Variants in GCN1 observed in about 807,000 individuals in gnomAD.
GCN1 encodes GCN1 activator of EIF2AK4.
Under a neutral mutation model 288.4 loss-of-function variants are expected in GCN1, and 90 were observed. The observed-to-expected ratio is 0.31, with a 90% confidence interval of 0.26 to 0.37. GCN1 has a LOEUF of 0.37. GCN1 is among the 10% of genes least tolerant of loss of function. The pLI, the probability that GCN1 is intolerant of heterozygous loss-of-function variation, is 1.00. For synonymous variants in GCN1, 1,386 were observed against 1,420.2 expected (o/e 0.98, Z 0.54); for missense variants, 2,586 against 3,419.9 (o/e 0.76, Z 6.08).
In GCN1 at chr12:120,137,415, G is replaced by T; in HGVS notation, c.6664-96C>A. 1 of 1,398,752 alleles carries T rather than the reference G, an allele frequency of 7.1e-7. No homozygotes were observed. The highest frequency in any genetic ancestry group is 1.0e-6 in the Non-Finnish European group (1 of 990,348). 86.6% of individuals were successfully genotyped at this position (1,398,752 alleles called of 1,614,324 possible). A position where few individuals can be genotyped will look rare whatever the true frequency, so the allele number is the denominator to read the frequency against. On this transcript the variant is annotated intron_variant, in intron 49 of 57. Coordinates refer to ENST00000300648, the MANE Select transcript of GCN1 (RefSeq NM_006836.2). The surrounding 1 kb of genome is among the most constrained non-coding windows in gnomAD (Gnocchi z 5.2). The stretch of plus-strand genomic sequence containing the variant: ...AAAGCGTGGGCGGGAGTATAAACAA[G>T]ACTTGCCACGAGTGGGTAAACGCCG...
At position 120,170,156 on chromosome 12, in the gene GCN1, T is replaced by C; in HGVS notation, c.1519+13A>G. On this transcript the variant is annotated intron_variant, in intron 15 of 57. Transcript: ENST00000300648. ...CCCTGTCTCTACCATCCTAGACACC[T>C]CTGGACTCATACCAGCCTGTGAGTC... 1 of 1,612,854 alleles carries C rather than the reference T, an allele frequency of 6.2e-7. No homozygotes were observed. Among genetic ancestry groups the C allele is most frequent in the East Asian group, 2.2e-5 (1 of 44,878 alleles).
rs1484386841 is a variant in GCN1, at chr12:120,147,165, A to G, written c.4834T>C (p.Ser1612Pro). ...ACAATGGGCATGATGAGGGCCAGGG[A>G]TGGGGCATCAATGAAGTGGACAAAC... ...TKFVHFIDAP[S>P]LALIMPIVQR... The change falls in exon 38 of 58, where the codon TCC (serine) becomes CCC (proline). Residue 1612 changes from serine (S) to proline (P), a missense_variant. By Grantham distance (74) the Ser-to-Pro change is moderately conservative. Coordinates refer to ENST00000300648, the MANE Select transcript of GCN1 (RefSeq NM_006836.2). 2 of 1,613,346 alleles carry G rather than the reference A, an allele frequency of 1.2e-6. No homozygotes were observed. The highest frequency in any genetic ancestry group is 3.3e-5 in the Admixed American group (2 of 59,970).
chr12:120,183,547 T>G, intron 5 of GCN1, 22 bp downstream of exon 5: 1 of 1,421,650 alleles, frequency 7.0e-7, no homozygotes, highest in East Asian at 2.3e-5. Context: ...CCCTTGCTAC[T>G]TCAGAGACAC....
At chr12:120,145,410 C>T (rs2139095885) in intron 38 of GCN1, 80 bp from the exon 39 acceptor site, 2 of 1,065,918 alleles carry the variant, frequency 1.9e-6, no homozygotes, top group Non-Finnish European at 1.3e-6. Flanking sequence ...ACCCTGACCT[C>T]CCCATTCTGC....
At chr12:120,187,701 TC>T (rs921740807) in intron 2 of GCN1, among the ~76,000 whole-genome samples, 5 of 151,976 alleles carry the variant, frequency 3.3e-5, no homozygotes, top group African/African-American at 1.2e-4. Flanking sequence ...CAAGCGATCC[TC>T]CCACCTCTCA....
At position 120,142,729 on chromosome 12, in the gene GCN1, C is replaced by A; in HGVS notation, c.5614-7G>T. 1 of 1,613,734 alleles carries A rather than the reference C, an allele frequency of 6.2e-7. No individual in the cohort carries two copies. The highest frequency in any genetic ancestry group is 1.1e-5 in the South Asian group (1 of 91,070). On this transcript the variant is annotated splice_polypyrimidine_tract_variant and splice_region_variant and intron_variant, in intron 43 of 57. Coordinates refer to ENST00000300648, the MANE Select transcript of GCN1 (RefSeq NM_006836.2). This position sits in a 1 kb window ranked among gnomAD's most constrained non-coding sequence, Gnocchi z 4.9. Reference sequence around the variant, plus strand: ...CCAGGGCAGTGATGATCGCCTGCAGCCAGTAGAAGGGGACAGAGAGTAGTG... The same window carrying A: ...CCAGGGCAGTGATGATCGCCTGCAGACAGTAGAAGGGGACAGAGAGTAGTG...
intron 9 of GCN1, among the ~76,000 whole-genome samples, chr12:120,177,124 G>A (rs1171796865): frequency 4.6e-5 from 7 of 151,928 alleles, no homozygotes; most frequent in South Asian, 2.1e-4. Flanking sequence ...GTGCAGTGTC[G>A]CCATCTTGGC....
rs139754215 is a variant in GCN1, at chr12:120,182,636, T to C, written c.426+933A>G. On this transcript the variant is annotated intron_variant, in intron 5 of 57. Coordinates refer to ENST00000300648, the MANE Select transcript of GCN1 (RefSeq NM_006836.2). ...AGTTAAGTGACTCAGCCAAGTCTCA[T>C]GGACAAGAATCAGATCCAAGGCCTG... Among the ~76,000 whole-genome samples, 763 of 152,270 alleles carry C rather than the reference T, an allele frequency of 5.0e-3. 6 individuals carry two copies. The highest frequency in any genetic ancestry group is 0.026 in the South Asian group (124 of 4,824).
rs191977759 is a variant in GCN1, at chr12:120,140,846, G to A, written c.5994+13C>T. 1.2e-6 allele frequency: 2 copies of A among 1,611,358 alleles called. No individual in the cohort carries two copies. The highest frequency in any genetic ancestry group is 1.7e-5 in the Admixed American group (1 of 59,878). On this transcript the variant is annotated intron_variant, in intron 45 of 57. Transcript: ENST00000300648. ...GCAGTGCACAGCTGGCGGGATCCTT[G>A]GAAGATACTCACGGCATCCCGGCTG... is the stretch of plus-strand genomic sequence containing the variant.
At chr12:120,194,598 G>C (rs1456472601) in intron 1 of GCN1, 82 bp downstream of exon 1, 1 of 1,280,786 alleles carries the variant, frequency 7.8e-7, no homozygotes, top group African/African-American at 1.5e-5. Context: ...CCCCTAAGCC[G>C]AGGAGCGAGA....
Position 120,147,107 on chromosome 12 carries a change from G to A in GCN1, c.4892C>T (p.Thr1631Met), listed in dbSNP as rs1301835059. Residue 1631 changes from threonine to methionine, a missense_variant, in exon 38 of 58, where the codon ACG becomes ATG. Around this residue, in one of 8 missense-constraint regions of GCN1, gnomAD observed 371 missense variants for 572.6 expected, o/e 0.65. Transcript: ENST00000300648. ...QRAFQDRSTDTRKMAAQIIGN... is the reference protein window; with the variant it reads ...QRAFQDRSTDMRKMAAQIIGN... ...AATAATCTGGGCTGCCATCTTCCGC[G>A]TGTCCGTGGAACGGTCCTGGAAGGC... The A allele has an allele frequency of 6.2e-7, 1 of 1,603,064 alleles. No individual in the cohort carries two copies. Among genetic ancestry groups the A allele is most frequent in the Non-Finnish European group, 8.5e-7 (1 of 1,171,932 alleles).
At chr12:120,189,293 G>A (rs910188685) in intron 2 of GCN1, among the ~76,000 whole-genome samples, 9 of 151,370 alleles carry the variant, frequency 5.9e-5, no homozygotes, top group East Asian at 1.9e-4. Flanking sequence ...GGCTGGTCTC[G>A]AACTCCTGAC....
At chr12:120,183,471 C>T (rs1355051046) in intron 5 of GCN1, 98 bp downstream of exon 5, 5 of 781,144 alleles carry the variant, frequency 6.4e-6, no homozygotes, top group Admixed American at 5.3e-5. Context: ...GGTCACCCAG[C>T]ACCCAGAAAA....
chr12:120,165,006 C>CACACAT (rs1878063893), intron 16 of GCN1, among the ~76,000 whole-genome samples: 1 of 29,720 alleles, frequency 3.4e-5, no homozygotes, highest in Admixed American at 5.1e-4. Flanking sequence ...CATATATACA[C>CACACAT]ACACACACAC....
chr12:120,129,232 C>G, intron 57 of GCN1, 44 bp downstream of exon 57: 1 of 1,360,832 alleles, frequency 7.3e-7, no homozygotes, highest in Admixed American at 1.7e-5. Context: ...AGCTGAAAGA[C>G]AAATGCTCAC....
chr12:120,144,585 C>A lies in GCN1; in HGVS notation c.5352+54G>T, dbSNP rs958037544. 6 of 1,565,510 alleles carry A rather than the reference C, an allele frequency of 3.8e-6. No homozygotes were observed. Among genetic ancestry groups the A allele is most frequent in the African/African-American group, 2.7e-5 (2 of 74,056 alleles). ...GGATCTCTAGCTCTCCAGGTGAGCA[C>A]TTGCCTCCTGCCCTCCTCAAGGACT... On this transcript the variant is annotated intron_variant, in intron 41 of 57. Transcript: ENST00000300648. The surrounding 1 kb of genome is among the most constrained non-coding windows in gnomAD (Gnocchi z 4.7).
Position 120,194,262 on chromosome 12 carries a change from G to A in GCN1, c.18+418C>T, listed in dbSNP as rs564310892. Reference sequence around the variant, plus strand: ...AAGCCCAGATCTGTATGAATCCAAAGACTACACTCAAAGTCCCTGCTCATA... The same window carrying A: ...AAGCCCAGATCTGTATGAATCCAAAAACTACACTCAAAGTCCCTGCTCATA... On this transcript the variant is annotated intron_variant, in intron 1 of 57. Transcript: ENST00000300648. Among the ~76,000 whole-genome samples, 49 of 152,356 alleles carry A rather than the reference G, an allele frequency of 3.2e-4. No individual in the cohort carries two copies. The South Asian group carries it at 9.7e-3, about 30-fold the overall frequency.
At position 120,153,223 on chromosome 12, in the gene GCN1, G is replaced by C; in HGVS notation, c.4052C>G (p.Pro1351Arg). 1 of 1,613,990 alleles carries C rather than the reference G, an allele frequency of 6.2e-7. No individual in the cohort carries two copies. Among genetic ancestry groups the C allele is most frequent in the Non-Finnish European group, 8.5e-7 (1 of 1,179,876 alleles). The change falls in exon 33 of 58, where the codon CCC (proline) becomes CGC (arginine). Residue 1351 changes from proline (P) to arginine (R), a missense_variant. Physicochemically the swap from Pro to Arg is moderately radical, Grantham distance 103. Transcript: ENST00000300648. This position sits in a 1 kb window ranked among gnomAD's most constrained non-coding sequence, Gnocchi z 4.4. ...CCAGATGGCAGGTACCTGCTGGGAGGGGGTGGAGAGGGCAGCGATGAGCTT... is the reference window on the plus strand; with the variant it reads ...CCAGATGGCAGGTACCTGCTGGGAGCGGGTGGAGAGGGCAGCGATGAGCTT... The part of the protein sequence containing the change: ...VAKLIAALST[P>R]SQQVQESVAS...
chr12:120,152,244 G>C (rs1000592764), intron 33 of GCN1, among the ~76,000 whole-genome samples: 6 of 151,702 alleles, frequency 4.0e-5, no homozygotes, highest in Non-Finnish European at 7.4e-5. Context: ...GCCCAGGCTG[G>C]TCTCGAACTA....
Sources: allele counts gnomAD v4.1 joint callset (sites outside exome capture counted in the v4.1 genomes callset), GRCh38; gene constraint gnomAD v4.1.1; regional missense constraint gnomAD v4.1.1; non-coding constraint Gnocchi (gnomAD v3.1); transcripts MANE v1.5; gene names NCBI Gene and HGNC (gene_info 2026-07-23, HGNC 2026-07-21).